The following KLK13 variants were observed in gnomAD, a reference collection of about 807,000 sequenced individuals.
The protein encoded by KLK13 is kallikrein-13.
Under a neutral mutation model 22.4 loss-of-function variants are expected in KLK13, and 19 were observed. The observed-to-expected ratio is 0.85, with a 90% CI of 0.59 to 1.24. The LOEUF (loss-of-function observed/expected upper bound fraction) is 1.24. KLK13 is among the 50% of genes most tolerant of loss of function. The pLI is 0.00. For missense variants in KLK13, 311 were observed against 347.9 expected, an observed-to-expected ratio of 0.89 and a Z score of 0.84; for synonymous variants, 156 against 141.8, an observed-to-expected ratio of 1.10 and a Z score of -0.71.
At chr19:51,061,378 C>G (rs2091730082) in intron 1 of KLK13, among the ~76,000 whole-genome samples, 1 of 152,234 alleles carries the variant, frequency 6.6e-6, no homozygotes, top group Non-Finnish European at 1.5e-5. Flanking sequence ...TCATCTCCAG[C>G]CCTGAACTCT....
intron 1 of KLK13, among the ~76,000 whole-genome samples, chr19:51,064,204 A>T (rs1321563971): frequency 6.6e-6 from 1 of 152,082 alleles, no homozygotes; most frequent in Admixed American, 6.5e-5. Flanking sequence ...AAGACAGAAT[A>T]CTAGAGGCCG....
At chr19:51,064,969 C>A in intron 1 of KLK13, 47 bp downstream of exon 1, 1 of 1,514,664 alleles carries the variant, frequency 6.6e-7, no homozygotes, top group Non-Finnish European at 9.0e-7. Flanking sequence ...ACCCCTCCTA[C>A]CATTGTCCCG....
chr19:51,060,330 C>A, intron 2 of KLK13, 103 bp downstream of exon 2: 1 of 1,282,666 alleles, frequency 7.8e-7, no homozygotes, highest in Non-Finnish European at 1.1e-6. Flanking sequence ...CCATGTCCAT[C>A]CCCAACCCTA....
At position 51,055,974 on chromosome 19, in the gene KLK13, G is replaced by A. The variant is rs147706491; in HGVS notation, c.*613C>T. Among the ~76,000 whole-genome samples, 104 of 152,316 alleles carry A rather than the reference G, an allele frequency of 6.8e-4. 3 individuals carry two copies. The highest frequency in any genetic ancestry group is 2.5e-3 in the African/African-American group (103 of 41,574). On this transcript the variant is annotated 3_prime_UTR_variant, in exon 5 of 5. Transcript: ENST00000595793. ...TGGAAGAATGTGGGATGTAGGTTGG[G>A]TTGGGACTTCTGAGACACCCATAAC...
At chr19:51,064,163 A>G (rs1010033406) in intron 1 of KLK13, among the ~76,000 whole-genome samples, 10 of 152,002 alleles carry the variant, frequency 6.6e-5, no homozygotes, top group African/African-American at 2.4e-4. Flanking sequence ...TAAAATAACA[A>G]TCTAGAAGGT....
upstream of KLK13, among the ~76,000 whole-genome samples, chr19:51,065,490 G>A (rs1055124250): frequency 6.6e-6 from 1 of 152,082 alleles, no homozygotes; most frequent in Non-Finnish European, 1.5e-5. Flanking sequence ...CTCCGTCTCT[G>A]CAGGTTTCTC....
rs1381226168 is a variant in KLK13, at chr19:51,065,082, G to A, written c.-15C>T. On this transcript the variant is annotated 5_prime_UTR_variant, in exon 1 of 5. Coordinates refer to ENST00000595793, the MANE Select transcript of KLK13 (RefSeq NM_015596.3). ...AGGGGCCACATGGCTCCGGGATCGG[G>A]AGGGGAGGGCAGGGCGGGCGGGGCC... 1.3e-6 allele frequency: 2 copies of A among 1,517,560 alleles called. No homozygotes were observed. 94.0% of individuals were successfully genotyped at this position (1,517,560 alleles called of 1,614,324 possible).
rs757744045 is a variant in KLK13 at position 51,059,935 on chromosome 19, G to A, written c.398C>T (p.Pro133Leu). 33 of 1,611,518 alleles carry A rather than the reference G, an allele frequency of 2.0e-5. No individual in the cohort carries two copies. In the East Asian group the frequency reaches 3.1e-4, roughly 15 times the overall value. ...TTGGATGTAGCCTGTGAGCTGGACC[G>A]GGGACTGCAGCTCCAGAAGCATGAT... ...HDIMLLELQS[P>L]VQLTGYIQTL... is the part of the protein sequence containing the mutation. The change falls in exon 3 of 5, where the codon CCG becomes CTG. Residue 133 changes from proline to leucine, a missense_variant. Transcript: ENST00000595793.
Position 51,059,989 on chromosome 19 carries a change from C to A in KLK13, c.344G>T (p.Ser115Ile). The A allele has an allele frequency of 6.2e-7, 1 of 1,613,588 alleles. No individual in the cohort carries two copies. The highest frequency in any genetic ancestry group is 8.5e-7 in the Non-Finnish European group (1 of 1,179,684). ...HSIPHPEYRR[S>I]PTHLNHDHDI... ...ATGGTCGTGGTTCAGGTGGGTGGGG[C>A]TTCTCCGGTATTCAGGGTGGGGGAT... Residue 115 changes from serine to isoleucine, a missense_variant, in exon 3 of 5, where the codon AGC becomes ATC. Ser to Ile is a moderately radical substitution (Grantham distance 142). Coordinates refer to ENST00000595793, the MANE Select transcript of KLK13 (RefSeq NM_015596.3).
intron 1 of KLK13, chr19:51,063,494 C>T (rs1417912107): frequency 2.8e-6 from 1 of 354,224 alleles, no homozygotes; most frequent in Non-Finnish European, 5.6e-6. Flanking sequence ...GATTCTGACT[C>T]AGGCATCGCC....
At chr19:51,062,280 G>A (rs772083918) in intron 1 of KLK13, among the ~76,000 whole-genome samples, 12 of 152,092 alleles carry the variant, frequency 7.9e-5, no homozygotes, top group Non-Finnish European at 1.0e-4. Flanking sequence ...AATTCTGAGA[G>A]GTCAGCTCAA....
At chr19:51,060,770 T>G (rs1403908477) in intron 1 of KLK13, 151 bp from the exon 2 acceptor site, 1 of 584,686 alleles carries the variant, frequency 1.7e-6, no homozygotes, top group Admixed American at 3.0e-5. Context: ...CAGTTGCTAT[T>G]CTTGACCAAG....
chr19:51,056,822 C>T (rs772626882), intron 4 of KLK13, 47 bp from the exon 5 acceptor site: 4 of 1,467,850 alleles, frequency 2.7e-6, no homozygotes, highest in Non-Finnish European at 3.8e-6. Flanking sequence ...CTTGCTGGGG[C>T]TAAACAAGGC....
At chr19:51,064,843 A>G (rs1298579212) in intron 1 of KLK13, 173 bp downstream of exon 1, 4 of 630,338 alleles carry the variant, frequency 6.3e-6, no homozygotes. Flanking sequence ...CTCAGCCGGG[A>G]AACCAGGTCA....
At chr19:51,064,065 G>A (rs1278929467) in intron 1 of KLK13, among the ~76,000 whole-genome samples, 3 of 152,214 alleles carry the variant, frequency 2.0e-5, no homozygotes, top group South Asian at 2.1e-4. Context: ...TGCCTACAAC[G>A]GCAGGGAAAG....
intron 4 of KLK13, 44 bp from the exon 5 acceptor site, chr19:51,056,819 G>C: frequency 6.6e-7 from 1 of 1,509,426 alleles, no homozygotes; most frequent in Non-Finnish European, 9.2e-7. Flanking sequence ...GTCCTTGCTG[G>C]GGCTAAACAA....
At chr19:51,064,989 C>A in intron 1 of KLK13, 27 bp downstream of exon 1, 1 of 1,547,100 alleles carries the variant, frequency 6.5e-7, no homozygotes, top group Non-Finnish European at 8.7e-7. Flanking sequence ...GAATGGCCGC[C>A]GCGCCTCCAC....
intron 4 of KLK13, among the ~76,000 whole-genome samples, chr19:51,058,239 C>T (rs908786243): frequency 6.6e-6 from 1 of 152,204 alleles, no homozygotes; most frequent in Non-Finnish European, 1.5e-5. Context: ...CAAAAGCCTG[C>T]ATTTTGTTTA....
chr19:51,059,932 A>G lies in KLK13; in HGVS notation c.401T>C (p.Val134Ala). 6.2e-7 allele frequency: 1 copy of G among 1,611,902 alleles called. No homozygotes were observed. Among genetic ancestry groups the G allele is most frequent in the South Asian group, 1.1e-5 (1 of 90,758 alleles). The change falls in exon 3 of 5, where the codon GTC becomes GCC. Residue 134 changes from valine (V) to alanine (A), a missense_variant. Coordinates refer to ENST00000595793, the MANE Select transcript of KLK13 (RefSeq NM_015596.3). ...GGTTTGGATGTAGCCTGTGAGCTGG[A>G]CCGGGGACTGCAGCTCCAGAAGCAT... ...DIMLLELQSP[V>A]QLTGYIQTLP...
Sources: allele counts gnomAD v4.1 joint callset (sites outside exome capture counted in the v4.1 genomes callset), GRCh38; gene constraint gnomAD v4.1.1; transcripts MANE v1.5; gene names NCBI Gene and HGNC (gene_info 2026-07-23, HGNC 2026-07-21).